TNC: variants seen among roughly 807,000 people sequenced by gnomAD.
TNC encodes the protein tenascin C.
TNC carries 109 observed loss-of-function variants against 202.4 expected under a neutral mutation model. The observed-to-expected ratio is 0.54, with a 90% confidence interval of 0.46 to 0.63. TNC has a LOEUF of 0.63. TNC is among the 30% of genes least tolerant of loss of function. The pLI is 0.00. For synonymous variants in TNC, 1,007 were observed against 1,089.7 expected, an observed-to-expected ratio of 0.92 and a Z score of 1.50; for missense variants, 2,756 against 2,833.3, an observed-to-expected ratio of 0.97 and a Z score of 0.62.
At chr9:115,092,125 T>C (rs1268100711) in intron 1 of TNC, among the ~76,000 whole-genome samples, 1 of 152,244 alleles carries the variant, frequency 6.6e-6, no homozygotes, top group Non-Finnish European at 1.5e-5. Flanking sequence ...AGAAAGAATG[T>C]ATAGGATTTG....
At chr9:115,075,981 T>C in intron 9 of TNC, 51 bp downstream of exon 9, 1 of 1,531,930 alleles carries the variant, frequency 6.5e-7, no homozygotes, top group South Asian at 1.1e-5. Flanking sequence ...TGACTCTGTC[T>C]CATCTGCCCA....
At chr9:115,082,137 T>A (rs1310810750) in intron 5 of TNC, among the ~76,000 whole-genome samples, 1 of 152,240 alleles carries the variant, frequency 6.6e-6, no homozygotes, top group Non-Finnish European at 1.5e-5. Flanking sequence ...TCGTAAACTT[T>A]TACCCCTTTG....
At chr9:115,106,299 T>G (rs1308926366) in intron 1 of TNC, among the ~76,000 whole-genome samples, 1 of 152,190 alleles carries the variant, frequency 6.6e-6, no homozygotes, top group Non-Finnish European at 1.5e-5. Context: ...CAGCAATTAT[T>G]TGAATCAGAA....
In TNC at chr9:115,076,102, T is replaced by C. The variant is rs1348742571; in HGVS notation, c.2880A>G (p.Glu960=). The part of the protein sequence containing the change: ...TTLTGLRPGT[E]YGIGVSAVKE... ...TCACAGCAGAAACTCCAATCCCATA[T>C]TCAGTTCCCGGCCTCAGACCTAAGG... The change falls in exon 9 of 28, where the codon GAA becomes GAG. Residue 960 remains glutamate (E), a synonymous_variant. Transcript: ENST00000350763. 14 of 1,614,164 alleles carry C rather than the reference T, an allele frequency of 8.7e-6. No individual in the cohort carries two copies. The highest frequency in any genetic ancestry group is 1.2e-5 in the Non-Finnish European group (14 of 1,180,008).
chr9:115,036,219 C>G lies in TNC; in HGVS notation c.5535G>C (p.Val1845=), dbSNP rs1311539173. 6.2e-7 allele frequency: 1 copy of G among 1,614,152 alleles called. No individual in the cohort carries two copies. Among genetic ancestry groups the G allele is most frequent in the South Asian group, 1.1e-5 (1 of 91,078 alleles). Residue 1845 remains valine, a synonymous_variant, in exon 21 of 28, where the codon GTG becomes GTC. Transcript: ENST00000350763. ...GAGCATACTCCACTGTGTTCCCGGACACCGTGCGTGTAATTTCTGGCACTA... is the reference window on the plus strand; with the variant it reads ...GAGCATACTCCACTGTGTTCCCGGAGACCGTGCGTGTAATTTCTGGCACTA... The part of the protein sequence containing the change: ...GEKVPEITRT[V]SGNTVEYALT...
At chr9:115,091,212 TCTA>T in intron 1 of TNC, 58 bp from the exon 2 acceptor site, 1 of 577,502 alleles carries the variant, frequency 1.7e-6, no homozygotes, top group Non-Finnish European at 3.1e-6. Flanking sequence ...ATATTGAATA[TCTA>T]CAATTCCAAG....
chr9:115,048,351 T>C lies in TNC; in HGVS notation c.4761A>G (p.Arg1587=). ...LSGTQRKLEL[R]GLITGIGYEV... ...CATAGCCAATGCCAGTTATGAGGCC[T>C]CTAAGCTCCAGCTTCCTCTGGGTTC... The change falls in exon 16 of 28, where the codon AGA becomes AGG. Residue 1587 remains arginine, a synonymous_variant. Coordinates refer to ENST00000350763, the MANE Select transcript of TNC (RefSeq NM_002160.4). 1.2e-6 allele frequency: 2 copies of C among 1,614,098 alleles called. No homozygotes were observed. Among genetic ancestry groups the C allele is most frequent in the Non-Finnish European group, 1.7e-6 (2 of 1,179,968 alleles).
At position 115,084,369 on chromosome 9, in the gene TNC, C is replaced by T. The variant is rs754061814; in HGVS notation, c.1971G>A (p.Thr657=). The T allele has an allele frequency of 8.7e-6, 14 of 1,614,160 alleles. No individual in the cohort carries two copies. Among genetic ancestry groups the T allele is most frequent in the South Asian group, 5.5e-5 (5 of 91,076 alleles). Residue 657 remains threonine (T), a synonymous_variant, in exon 4 of 28, where the codon ACG becomes ACA. Transcript: ENST00000350763. ...MRVTEYLVVY[T]PTHEGGLEMQ... Reference sequence around the variant, plus strand: ...TTTCCAGACCACCCTCGTGGGTGGGCGTGTACACGACAAGGTACTCTGTGA... The same window carrying T: ...TTTCCAGACCACCCTCGTGGGTGGGTGTGTACACGACAAGGTACTCTGTGA...
intron 6 of TNC, 114 bp downstream of exon 6, chr9:115,081,658 T>C: frequency 8.1e-7 from 1 of 1,229,256 alleles, no homozygotes; most frequent in South Asian, 1.3e-5. Context: ...TTTTTAAAAA[T>C]GCAGCAAAAG....
At chr9:115,072,178 T>C (rs1036130326) in intron 10 of TNC, among the ~76,000 whole-genome samples, 2 of 152,226 alleles carry the variant, frequency 1.3e-5, no homozygotes, top group African/African-American at 4.8e-5. Context: ...TGGTGGGGTT[T>C]CCAGAAAGAC....
intron 7 of TNC, 79 bp from the exon 8 acceptor site, chr9:115,076,654 A>G (rs1833886763): frequency 1.3e-6 from 2 of 1,488,026 alleles, no homozygotes; most frequent in Admixed American, 1.9e-5. Flanking sequence ...AAGCTGACAT[A>G]TGAAACGTGC....
intron 2 of TNC, among the ~76,000 whole-genome samples, chr9:115,087,670 TG>T (rs1262582633): frequency 2.0e-5 from 3 of 150,886 alleles, no homozygotes; most frequent in African/African-American, 7.3e-5. Context: ...TGCATTAGGC[TG>T]GGGCTATGTT....
At position 115,064,027 on chromosome 9, in the gene TNC, C is replaced by T. The variant is rs1309941831; in HGVS notation, c.3529G>A (p.Gly1177Ser). 1 of 1,613,302 alleles carries T rather than the reference C, an allele frequency of 6.2e-7. No individual in the cohort carries two copies. The change falls in exon 12 of 28, where the codon GGC becomes AGC. Residue 1177 changes from glycine to serine, a missense_variant. By Grantham distance (56) the Gly-to-Ser change is moderately conservative (BLOSUM62 0). This residue lies in a region of TNC where 2,559 missense variants were observed against 2,546.0 expected (regional missense o/e 1.01). Coordinates refer to ENST00000350763, the MANE Select transcript of TNC (RefSeq NM_002160.4). ...NLGEVVVAEV[G>S]WDALKLNWTA... ...CAGTTGAGTTTGAGGGCATCCCAGC[C>T]CACCTCGGCCACCACGACCTCTCCC...
At position 115,036,224 on chromosome 9, in the gene TNC, T is replaced by G; in HGVS notation, c.5530A>C (p.Thr1844Pro). The change falls in exon 21 of 28, where the codon ACG becomes CCG. Residue 1844 changes from threonine to proline, a missense_variant. Physicochemically the swap from Thr to Pro is conservative, Grantham distance 38. This residue lies in a region of TNC where 2,559 missense variants were observed against 2,546.0 expected (regional missense o/e 1.01). Transcript: ENST00000350763. Reference protein sequence around the residue: ...TGEKVPEITRTVSGNTVEYAL... With the variant: ...TGEKVPEITRPVSGNTVEYAL... ...TACTCCACTGTGTTCCCGGACACCG[T>G]GCGTGTAATTTCTGGCACTAAACAT... 6.2e-7 allele frequency: 1 copy of G among 1,614,144 alleles called. No homozygotes were observed. The highest frequency in any genetic ancestry group is 1.7e-4 in the Middle Eastern group (1 of 6,060).
At chr9:115,059,615 A>T in intron 14 of TNC, 115 bp downstream of exon 14, 1 of 1,153,874 alleles carries the variant, frequency 8.7e-7, no homozygotes, top group Non-Finnish European at 1.2e-6. Flanking sequence ...ACAGCCGGCC[A>T]CTGAAAGGCA....
chr9:115,085,665 T>C (rs1834654357), intron 3 of TNC, among the ~76,000 whole-genome samples, 199 bp downstream of exon 3: 1 of 152,216 alleles, frequency 6.6e-6, no homozygotes, highest in South Asian at 2.1e-4. Flanking sequence ...CTTCAGCCCT[T>C]AAATAGGTCA....
At chr9:115,050,066 A>G (rs1547692) in intron 15 of TNC, among the ~76,000 whole-genome samples, 95,364 of 151,930 alleles carry the variant, frequency 0.63, 30,412 homozygotes, top group African/African-American at 0.73. Context: ...AACAATCTTC[A>G]TCTGAGAGAC....
chr9:115,086,041 G>A lies in TNC; in HGVS notation c.1690C>T (p.Pro564Ser). Residue 564 changes from proline (P) to serine (S), a missense_variant, in exon 3 of 28, where the codon CCC becomes TCC. Transcript: ENST00000350763. Reference protein sequence around the residue: ...MGKDCKEQRCPSDCHGQGRCV... With the variant: ...MGKDCKEQRCSSDCHGQGRCV... ...CGGCCCTGGCCATGACAGTCACTGG[G>A]ACATCTTTGCTCCTTGCAGTCTTTG... 1 of 1,614,204 alleles carries A rather than the reference G, an allele frequency of 6.2e-7. No homozygotes were observed. The highest frequency in any genetic ancestry group is 8.5e-7 in the Non-Finnish European group (1 of 1,180,014).
At chr9:115,113,468 C>A (rs10982541) in intron 1 of TNC, among the ~76,000 whole-genome samples, 2 of 152,010 alleles carry the variant, frequency 1.3e-5, no homozygotes, top group East Asian at 1.9e-4. Flanking sequence ...TTAGCTATTA[C>A]GATTATCCCC....
Sources: allele counts gnomAD v4.1 joint callset (sites outside exome capture counted in the v4.1 genomes callset), GRCh38; gene constraint gnomAD v4.1.1; regional missense constraint gnomAD v4.1.1; transcripts MANE v1.5; gene names NCBI Gene and HGNC (gene_info 2026-07-23, HGNC 2026-07-21).